The following PRKCA variants were observed in gnomAD, a reference collection of about 807,000 sequenced individuals.
The protein encoded by PRKCA is protein kinase C alpha type.
In PRKCA, 27 loss-of-function variants were observed where a neutral mutation model predicts 87.0. The observed-to-expected ratio is 0.31, with a 90% CI of 0.23 to 0.43. The LOEUF (loss-of-function observed/expected upper bound fraction) is 0.43, where lower values mean the gene tolerates loss of function less well. Ranked by LOEUF, PRKCA falls within the 20% of genes least tolerant of loss-of-function variation. The probability of loss-of-function intolerance (pLI) is 1.00; values close to 1 mark genes in which losing one functional copy is unlikely to be tolerated. For synonymous variants in PRKCA, 329 were observed against 311.1 expected (o/e 1.06, Z -0.61); for missense variants, 518 against 852.3 (o/e 0.61, Z 4.88).
At chr17:66,548,105 A>G (rs899074236) in intron 3 of PRKCA, among the ~76,000 whole-genome samples, 4 of 152,230 alleles carry the variant, frequency 2.6e-5, no homozygotes, top group African/African-American at 9.7e-5. Context: ...GTGGGGCTAG[A>G]GCCTGAGGGA....
chr17:66,777,605 T>C, intron 14 of PRKCA: 9 of 985,268 alleles, frequency 9.1e-6, no homozygotes, highest in Non-Finnish European at 1.1e-5. Flanking sequence ...GGCTCTGAAT[T>C]ACAGGCCCCC....
chr17:66,315,514 G>T (rs1362461149), intron 2 of PRKCA, among the ~76,000 whole-genome samples: 1 of 148,122 alleles, frequency 6.8e-6, no homozygotes, highest in Non-Finnish European at 1.5e-5. Context: ...GAGTCTTGCT[G>T]TGTTGCCCAG....
chr17:66,696,439 T>C (rs746083756), intron 8 of PRKCA: 5 of 152,324 alleles, frequency 3.3e-5, no homozygotes, highest in Admixed American at 6.5e-5. Flanking sequence ...GAGATGATAA[T>C]AGAGACTGCC....
chr17:66,794,595 T>C (rs1228216083), intron 16 of PRKCA, among the ~76,000 whole-genome samples: 1 of 146,254 alleles, frequency 6.8e-6, no homozygotes, highest in Non-Finnish European at 1.5e-5. Flanking sequence ...TGTTATATTG[T>C]TTTTTTTGTT....
intron 5 of PRKCA, among the ~76,000 whole-genome samples, chr17:66,679,215 C>T (rs1371234978): frequency 2.2e-5 from 3 of 134,320 alleles, no homozygotes; most frequent in African/African-American, 2.8e-5. Context: ...GAGTCTTGCT[C>T]TGTCACCCAG....
intron 15 of PRKCA, among the ~76,000 whole-genome samples, chr17:66,787,520 T>C (rs1408660557): frequency 6.6e-6 from 1 of 152,252 alleles, no homozygotes; most frequent in African/African-American, 2.4e-5. Flanking sequence ...CCTGTCTTAC[T>C]TGGTGTGACT....
chr17:66,651,237 T>G (rs1462415849), intron 5 of PRKCA, among the ~76,000 whole-genome samples: 4 of 152,198 alleles, frequency 2.6e-5, no homozygotes, highest in Non-Finnish European at 4.4e-5. Context: ...GAAGTTTGTT[T>G]CTTTCCATTT....
At chr17:66,372,795 A>T (rs886634094) in intron 2 of PRKCA, among the ~76,000 whole-genome samples, 2 of 152,148 alleles carry the variant, frequency 1.3e-5, no homozygotes, top group African/African-American at 4.8e-5. Flanking sequence ...AGTGGCTCGC[A>T]CCTGTAATCC....
intron 2 of PRKCA, among the ~76,000 whole-genome samples, chr17:66,347,326 A>T (rs569253554): frequency 6.6e-6 from 1 of 152,274 alleles, no homozygotes; most frequent in East Asian, 1.9e-4. Context: ...ATCTGTTGTG[A>T]TATGTTTTGG....
At chr17:66,420,930 A>G (rs1912454140) in intron 2 of PRKCA, among the ~76,000 whole-genome samples, 1 of 152,192 alleles carries the variant, frequency 6.6e-6, no homozygotes, top group African/African-American at 2.4e-5. Context: ...AGAGAAATTA[A>G]CCCTGAAGAA....
chr17:66,370,091 G>T (rs1205832341), intron 2 of PRKCA, among the ~76,000 whole-genome samples: 1 of 152,156 alleles, frequency 6.6e-6, no homozygotes, highest in Non-Finnish European at 1.5e-5. Flanking sequence ...ACTCAAACAT[G>T]TGGTCGCCCT....
At chr17:66,768,048 A>G (rs1353592348) in intron 13 of PRKCA, among the ~76,000 whole-genome samples, 1 of 151,906 alleles carries the variant, frequency 6.6e-6, no homozygotes, top group East Asian at 1.9e-4. Flanking sequence ...TCTGCCTCCC[A>G]TTTTCCTGCC....
intron 2 of PRKCA, among the ~76,000 whole-genome samples, chr17:66,404,716 G>T (rs1477301905): frequency 7.0e-6 from 1 of 141,900 alleles, no homozygotes; most frequent in Non-Finnish European, 1.5e-5. Context: ...ACACTCCCAT[G>T]CTGGCTGCTG....
At position 66,398,855 on chromosome 17, in the gene PRKCA, G is replaced by T. The variant is rs150321419; in HGVS notation, c.205+92728G>T. Among the ~76,000 whole-genome samples, 13 of 152,298 alleles carry T rather than the reference G, an allele frequency of 8.5e-5. No individual in the cohort carries two copies. In the East Asian group the frequency reaches 1.7e-3, roughly 20 times the overall value. Reference sequence around the variant, plus strand: ...CCTGCTGCTGCTAAAAGCTTCCAGAGATTTTAGTGCACTGGGCAGACAGAG... The same window carrying T: ...CCTGCTGCTGCTAAAAGCTTCCAGATATTTTAGTGCACTGGGCAGACAGAG... On this transcript the variant is annotated intron_variant, in intron 2 of 16. Transcript: ENST00000413366.
At chr17:66,478,202 TA>T (rs1282898720) in intron 2 of PRKCA, among the ~76,000 whole-genome samples, 8 of 152,332 alleles carry the variant, frequency 5.3e-5, no homozygotes, top group African/African-American at 1.9e-4. Context: ...AGTAGAGGAA[TA>T]GTCACTTGTG....
At chr17:66,501,132 G>T (rs74983671) in intron 3 of PRKCA, among the ~76,000 whole-genome samples, 1,942 of 152,274 alleles carry the variant, frequency 0.013, 14 homozygotes, top group South Asian at 0.039. Context: ...CAAGATGAAA[G>T]GATGGGAAAA....
intron 14 of PRKCA, among the ~76,000 whole-genome samples, chr17:66,785,777 A>T (rs1975368791): frequency 6.6e-6 from 1 of 152,216 alleles, no homozygotes; most frequent in South Asian, 2.1e-4. Context: ...TACAACATAA[A>T]ATACAAGGCA....
chr17:66,313,106 C>G (rs116054863), intron 2 of PRKCA, among the ~76,000 whole-genome samples: 1 of 152,026 alleles, frequency 6.6e-6, no homozygotes, highest in Non-Finnish European at 1.5e-5. Context: ...GTTTTGAGTG[C>G]GAGGACTGAG....
intron 2 of PRKCA, among the ~76,000 whole-genome samples, chr17:66,336,754 TTGTGTGTG>T (rs148842588): frequency 0.025 from 3,299 of 133,698 alleles, 35 homozygotes; most frequent in Middle Eastern, 0.033. Context: ...GCAAATAAGT[TTGTGTGTG>T]TGTGTGTGTG....
Sources: allele counts gnomAD v4.1 joint callset (sites outside exome capture counted in the v4.1 genomes callset), GRCh38; gene constraint gnomAD v4.1.1; transcripts MANE v1.5; gene names NCBI Gene and HGNC (gene_info 2026-07-23, HGNC 2026-07-21).